CTNNA1: variants seen among roughly 807,000 people sequenced by gnomAD.
CTNNA1 encodes catenin alpha-1.
Under a neutral mutation model 98.4 loss-of-function variants are expected in CTNNA1, and 37 were observed. The observed-to-expected ratio is 0.38, with a 90% CI of 0.29 to 0.49. The LOEUF is 0.49. CTNNA1 is among the 20% of genes least tolerant of loss of function. The pLI, the probability that CTNNA1 is intolerant of heterozygous loss-of-function variation, is 0.95. For missense variants in CTNNA1, 761 were observed against 1,147.2 expected (o/e 0.66, Z 4.86); for synonymous variants, 404 against 413.2 (o/e 0.98, Z 0.27).
At chr5:138,909,832 C>A (rs906582493) in intron 10 of CTNNA1, among the ~76,000 whole-genome samples, 1 of 152,176 alleles carries the variant, frequency 6.6e-6, no homozygotes. Context: ...GCTGGCCTGG[C>A]CCCTAGCTCT....
intron 5 of CTNNA1, among the ~76,000 whole-genome samples, chr5:138,821,717 T>C (rs1446349476): frequency 1.3e-5 from 2 of 152,192 alleles, no homozygotes; most frequent in Admixed American, 6.5e-5. Flanking sequence ...TCAGATTACA[T>C]TGAAAGCAGT....
intron 1 of CTNNA1, among the ~76,000 whole-genome samples, chr5:138,773,262 G>A (rs1489942306): frequency 6.6e-6 from 1 of 152,288 alleles, no homozygotes; most frequent in East Asian, 1.9e-4. Flanking sequence ...AAGACGATAC[G>A]AGCTAAAATA....
intron 7 of CTNNA1, among the ~76,000 whole-genome samples, chr5:138,855,864 A>G (rs1466237463): frequency 6.6e-6 from 1 of 152,182 alleles, no homozygotes; most frequent in East Asian, 1.9e-4. Context: ...CTTGATTGTA[A>G]TGAAAATGTG....
chr5:138,906,570 A>G (rs1759308242), intron 10 of CTNNA1, among the ~76,000 whole-genome samples: 1 of 152,204 alleles, frequency 6.6e-6, no homozygotes, highest in Admixed American at 6.5e-5. Context: ...TCACACGGAG[A>G]GTCTAGTAGA....
intron 7 of CTNNA1, among the ~76,000 whole-genome samples, chr5:138,884,122 A>C (rs537830563): frequency 6.6e-6 from 1 of 152,240 alleles, no homozygotes; most frequent in Non-Finnish European, 1.5e-5. Context: ...GTAGACATCA[A>C]TCAACACATG....
intron 7 of CTNNA1, chr5:138,869,952 T>C (rs1227660295): frequency 6.5e-6 from 1 of 152,672 alleles, no homozygotes; most frequent in East Asian, 1.9e-4. Context: ...GAAATCCCTG[T>C]CATGCTACAG....
intron 7 of CTNNA1, among the ~76,000 whole-genome samples, chr5:138,857,935 T>TTA (rs1763872770): frequency 6.6e-6 from 1 of 152,180 alleles, no homozygotes; most frequent in African/African-American, 2.4e-5. Flanking sequence ...GCTGAAAGAA[T>TTA]TATACAGTGA....
chr5:138,865,273 C>T (rs947283390), intron 7 of CTNNA1, among the ~76,000 whole-genome samples: 1 of 152,172 alleles, frequency 6.6e-6, no homozygotes, highest in South Asian at 2.1e-4. Context: ...TTGGTTCATT[C>T]TTGCAGAACT....
At chr5:138,842,349 A>ATT (rs1253573500) in intron 7 of CTNNA1, among the ~76,000 whole-genome samples, 2 of 152,216 alleles carry the variant, frequency 1.3e-5, no homozygotes, top group African/African-American at 4.8e-5. Flanking sequence ...GCTCATACTA[A>ATT]TAAACACACT....
At chr5:138,839,595 A>G (rs915042571) in intron 7 of CTNNA1, among the ~76,000 whole-genome samples, 6 of 151,966 alleles carry the variant, frequency 3.9e-5, no homozygotes, top group Non-Finnish European at 8.8e-5. Context: ...TAGTTGGGGG[A>G]AAGATCTAAT....
Position 138,805,938 on chromosome 5 carries a change from C to T in CTNNA1, c.302-4100C>T, listed in dbSNP as rs992896769. On this transcript the variant is annotated intron_variant, in intron 3 of 17. Transcript: ENST00000302763. ...CCTGTTTTTTGTTCTGTTGTTTGTACTTTTGGTGTCATAGCTAAGAAACCA... is the reference window on the plus strand; with the variant it reads ...CCTGTTTTTTGTTCTGTTGTTTGTATTTTTGGTGTCATAGCTAAGAAACCA... Among the ~76,000 whole-genome samples, 6 of 151,776 alleles carry T rather than the reference C, an allele frequency of 4.0e-5. No homozygotes were observed. In the East Asian group the frequency reaches 1.2e-3, roughly 29 times the overall value.
Position 138,874,529 on chromosome 5 carries a change from G to A in CTNNA1, c.1063-11683G>A, listed in dbSNP as rs757011733. On this transcript the variant is annotated intron_variant, in intron 7 of 17. Coordinates refer to ENST00000302763, the MANE Select transcript of CTNNA1 (RefSeq NM_001903.5). This position sits in a 1 kb window ranked among gnomAD's most constrained non-coding sequence, Gnocchi z 4.1. ...TGCATATATTGCTGCCAGCATAGGGGCCCCTAATGGCCACTTGAAATGTAA... is the reference window on the plus strand; with the variant it reads ...TGCATATATTGCTGCCAGCATAGGGACCCCTAATGGCCACTTGAAATGTAA... The A allele has an allele frequency of 6.3e-7, 1 of 1,577,068 alleles. No homozygotes were observed.
At chr5:138,762,936 T>G (rs1273042277) in intron 1 of CTNNA1, among the ~76,000 whole-genome samples, 8 of 152,204 alleles carry the variant, frequency 5.3e-5, no homozygotes, top group Non-Finnish European at 4.4e-5. Context: ...TCTTAATTGC[T>G]AATTTAAAGG....
At chr5:138,822,419 A>G (rs1760133116) in intron 5 of CTNNA1, among the ~76,000 whole-genome samples, 1 of 152,246 alleles carries the variant, frequency 6.6e-6, no homozygotes, top group African/African-American at 2.4e-5. Context: ...AACCTTTATA[A>G]GAAGCTATGC....
chr5:138,883,193 T>G (rs888622530), intron 7 of CTNNA1, among the ~76,000 whole-genome samples: 1 of 152,170 alleles, frequency 6.6e-6, no homozygotes. Flanking sequence ...TGAGCAAGCT[T>G]TATACTTTCC....
intron 3 of CTNNA1, among the ~76,000 whole-genome samples, chr5:138,802,699 A>G (rs1757704937): frequency 6.6e-6 from 1 of 152,140 alleles, no homozygotes; most frequent in Non-Finnish European, 1.5e-5. Context: ...TCTCTGTTTT[A>G]CAACTGTGGA....
chr5:138,865,597 G>A (rs1222637604), intron 7 of CTNNA1, among the ~76,000 whole-genome samples: 1 of 152,204 alleles, frequency 6.6e-6, no homozygotes. Flanking sequence ...CCAAATTGGT[G>A]TATAGTGTAT....
At chr5:138,885,688 T>G (rs1462413550) in intron 7 of CTNNA1, among the ~76,000 whole-genome samples, 2 of 152,184 alleles carry the variant, frequency 1.3e-5, no homozygotes, top group Non-Finnish European at 2.9e-5. Flanking sequence ...CTACAAAGCA[T>G]TATGATTTGA....
At chr5:138,827,933 T>A in intron 7 of CTNNA1, 1 of 562,036 alleles carries the variant, frequency 1.8e-6, no homozygotes, top group African/African-American at 1.9e-5. Flanking sequence ...ATAAAAATCA[T>A]ACAGTGAATA....
Sources: allele counts gnomAD v4.1 joint callset (sites outside exome capture counted in the v4.1 genomes callset), GRCh38; gene constraint gnomAD v4.1.1; non-coding constraint Gnocchi (gnomAD v3.1); transcripts MANE v1.5; gene names NCBI Gene and HGNC (gene_info 2026-07-23, HGNC 2026-07-21).